The following CRACD variants were observed in gnomAD, a reference collection of about 807,000 sequenced individuals.
CRACD encodes the protein capping protein-inhibiting regulator of actin dynamics.
A neutral mutation model predicts 106.8 loss-of-function variants in CRACD; 56 were observed. The observed-to-expected ratio is 0.52, with a 90% CI of 0.42 to 0.66. The LOEUF (loss-of-function observed/expected upper bound fraction) is 0.66, where lower values mean the gene tolerates loss of function less well. CRACD is among the 30% of genes least tolerant of loss of function. The pLI is 0.00. For missense variants in CRACD, 1,730 were observed against 1,623.2 expected (o/e 1.07, Z -1.13); for synonymous variants, 754 against 670.8 (o/e 1.12, Z -1.92).
intron 1 of CRACD, among the ~76,000 whole-genome samples, chr4:56,064,434 A>G (rs1344755997): frequency 1.3e-5 from 2 of 152,248 alleles, no homozygotes; most frequent in Admixed American, 6.5e-5. Context: ...GATACCTTGC[A>G]TTACGGTGGA....
chr4:56,182,444 A>AAC (rs1736870833), intron 2 of CRACD, among the ~76,000 whole-genome samples: 3 of 151,650 alleles, frequency 2.0e-5, no homozygotes, highest in African/African-American at 7.3e-5. Context: ...AAAAAAAAAA[A>AAC]ACCAGCCAGG....
At chr4:56,141,634 G>T (rs1258037589) in intron 1 of CRACD, among the ~76,000 whole-genome samples, 8 of 148,340 alleles carry the variant, frequency 5.4e-5, no homozygotes, top group Non-Finnish European at 1.0e-4. Context: ...AACAAGAGAT[G>T]CTGAATATCT....
intron 4 of CRACD, 146 bp from the exon 5 acceptor site, chr4:56,307,389 C>G (rs530170611): frequency 3.2e-6 from 2 of 633,638 alleles, no homozygotes; most frequent in African/African-American, 3.7e-5. Flanking sequence ...AGGATGGCAT[C>G]ATGGTTTCCT....
intron 2 of CRACD, among the ~76,000 whole-genome samples, chr4:56,248,830 G>GT (rs1169909214): frequency 1.5e-5 from 2 of 133,694 alleles, no homozygotes; most frequent in Admixed American, 7.7e-5. Flanking sequence ...GCGGTGTTTG[G>GT]TTTTTTGTTC....
intron 2 of CRACD, among the ~76,000 whole-genome samples, chr4:56,220,695 T>C (rs1316580749): frequency 6.6e-6 from 1 of 152,116 alleles, no homozygotes. Context: ...CCATAAGGCA[T>C]GATCTTTCAT....
At chr4:56,065,852 C>T (rs1732449260) in intron 1 of CRACD, among the ~76,000 whole-genome samples, 1 of 152,146 alleles carries the variant, frequency 6.6e-6, no homozygotes, top group South Asian at 2.1e-4. Context: ...CATCCCCTCC[C>T]CTCAGCCCCT....
At chr4:56,266,121 T>A (rs1742008058) in intron 2 of CRACD, among the ~76,000 whole-genome samples, 2 of 151,872 alleles carry the variant, frequency 1.3e-5, no homozygotes, top group African/African-American at 4.8e-5. Context: ...ATTAATTCAA[T>A]TCAGTACTTA....
intron 3 of CRACD, among the ~76,000 whole-genome samples, chr4:56,294,969 G>GA (rs1168777807): frequency 8.9e-6 from 1 of 112,356 alleles, no homozygotes; most frequent in Non-Finnish European, 1.9e-5. Flanking sequence ...AAGAAAGAAA[G>GA]AAAAAAACCC....
At chr4:56,296,806 T>A (rs1271803608) in intron 3 of CRACD, among the ~76,000 whole-genome samples, 1 of 152,228 alleles carries the variant, frequency 6.6e-6, no homozygotes, top group East Asian at 1.9e-4. Flanking sequence ...TGTGTACTCT[T>A]TCCCAGAGAT....
intron 2 of CRACD, among the ~76,000 whole-genome samples, chr4:56,207,549 A>G (rs1201891943): frequency 3.9e-5 from 6 of 152,036 alleles, no homozygotes; most frequent in Non-Finnish European, 5.9e-5. Context: ...TCTCCCATCT[A>G]TCAAGGCATA....
intron 1 of CRACD, among the ~76,000 whole-genome samples, chr4:56,122,989 C>T (rs1560457706): frequency 6.6e-6 from 1 of 152,152 alleles, no homozygotes; most frequent in Non-Finnish European, 1.5e-5. Context: ...ATAGATGTGT[C>T]ACAGCTAAAT....
rs1364094947 is a variant in CRACD at position 56,328,217 on chromosome 4, T to A, written c.*413T>A. ...TTTTCTTTGTCCAAAACATTTACTC[T>A]ACCATATGTCTGGGAATGTTTATCC... On this transcript the variant is annotated 3_prime_UTR_variant, in exon 11 of 11. Coordinates refer to ENST00000682029, the MANE Select transcript of CRACD (RefSeq NM_001393381.1). 1 of 443,334 alleles carries A rather than the reference T, an allele frequency of 2.3e-6. No homozygotes were observed. The highest frequency in any genetic ancestry group is 2.0e-5 in the African/African-American group (1 of 49,428). 27.5% of individuals were successfully genotyped at this position (443,334 alleles called of 1,614,324 possible).
At position 56,270,311 on chromosome 4, in the gene CRACD, C is replaced by T. The variant is rs1455635157; in HGVS notation, c.-188-2010C>T. 3.3e-5 allele frequency among the ~76,000 whole-genome samples: 5 copies of T among 152,120 alleles called. No individual in the cohort carries two copies. The South Asian group carries it at 1.0e-3, about 32-fold the overall frequency. ...GCTCAAATGATCCTCCCACCTCAGCCTCCCGAGTAACTGAGATTACAGGCG... is the reference window on the plus strand; with the variant it reads ...GCTCAAATGATCCTCCCACCTCAGCTTCCCGAGTAACTGAGATTACAGGCG... On this transcript the variant is annotated intron_variant, in intron 2 of 10. Coordinates refer to ENST00000682029, the MANE Select transcript of CRACD (RefSeq NM_001393381.1).
In CRACD at chr4:56,235,243, C is replaced by T. The variant is rs141734043; in HGVS notation, c.-188-37078C>T. 3.0e-3 allele frequency among the ~76,000 whole-genome samples: 464 copies of T among 152,266 alleles called. 2 individuals carry two copies. Among genetic ancestry groups the T allele is most frequent in the Non-Finnish European group, 5.2e-3 (351 of 68,008 alleles). On this transcript the variant is annotated intron_variant, in intron 2 of 10. Coordinates refer to ENST00000682029, the MANE Select transcript of CRACD (RefSeq NM_001393381.1). ...TATATCTTGGGGGTGTTTGTCAAGT[C>T]AGAGCTTTCATCAAAAACAGATAAG...
intron 1 of CRACD, among the ~76,000 whole-genome samples, chr4:56,071,230 G>A (rs931079675): frequency 6.6e-6 from 1 of 152,162 alleles, no homozygotes; most frequent in African/African-American, 2.4e-5. Flanking sequence ...CAGGAAGAGG[G>A]CAAATTGAGT....
chr4:56,072,127 CA>C (rs531354263), intron 1 of CRACD, among the ~76,000 whole-genome samples: 9,742 of 91,376 alleles, frequency 0.11, 309 homozygotes, highest in African/African-American at 0.18. Context: ...GACTCCGTCT[CA>C]AAAAAAAAAA....
intron 4 of CRACD, among the ~76,000 whole-genome samples, chr4:56,298,690 T>C (rs1246492502): frequency 2.0e-5 from 3 of 152,068 alleles, no homozygotes; most frequent in Non-Finnish European, 2.9e-5. Context: ...CCCAGCACTT[T>C]GGGAGGCCGA....
intron 1 of CRACD, among the ~76,000 whole-genome samples, chr4:56,115,035 TG>T (rs1172810300): frequency 4.9e-4 from 74 of 152,216 alleles, no homozygotes; most frequent in African/African-American, 1.6e-3. Flanking sequence ...ATCAATAAAA[TG>T]TTGTGGGAGG....
chr4:56,117,933 A>G (rs1734347619), intron 1 of CRACD, among the ~76,000 whole-genome samples: 1 of 151,804 alleles, frequency 6.6e-6, no homozygotes. Flanking sequence ...TAATGTTTGT[A>G]TTTTTAGTAG....
Sources: allele counts gnomAD v4.1 joint callset (sites outside exome capture counted in the v4.1 genomes callset), GRCh38; gene constraint gnomAD v4.1.1; transcripts MANE v1.5; gene names NCBI Gene and HGNC (gene_info 2026-07-23, HGNC 2026-07-21).